UNC5D: variants seen among roughly 807,000 people sequenced by gnomAD.
UNC5D encodes unc-5 netrin receptor D.
UNC5D carries 39 observed loss-of-function variants against 105.4 expected under a neutral mutation model. The ratio of observed to expected loss-of-function variants is 0.37; its 90% CI spans 0.29 to 0.48. UNC5D has a LOEUF of 0.48. UNC5D is among the 20% of genes least tolerant of loss of function. The probability of loss-of-function intolerance (pLI) is 0.98; values close to 1 mark genes in which losing one functional copy is unlikely to be tolerated. For missense variants in UNC5D, 991 were observed against 1,202.4 expected, an observed-to-expected ratio of 0.82 and a Z score of 2.60; for synonymous variants, 452 against 450.4, an observed-to-expected ratio of 1.00 and a Z score of -0.04.
intron 1 of UNC5D, among the ~76,000 whole-genome samples, chr8:35,244,363 C>CT (rs1272286804): frequency 3.9e-5 from 6 of 152,126 alleles, no homozygotes; most frequent in African/African-American, 1.4e-4. Flanking sequence ...GCACTTCACT[C>CT]ATAGTCCATT....
intron 1 of UNC5D, among the ~76,000 whole-genome samples, chr8:35,493,006 T>A (rs745452917): frequency 1.4e-4 from 22 of 152,114 alleles, no homozygotes; most frequent in Non-Finnish European, 3.1e-4. Context: ...GTGGGGATCG[T>A]AAGACAATTG....
intron 3 of UNC5D, among the ~76,000 whole-genome samples, chr8:35,582,234 G>A (rs1483927622): frequency 6.6e-6 from 1 of 152,108 alleles, no homozygotes; most frequent in African/African-American, 2.4e-5. Flanking sequence ...CAGCCACAGT[G>A]ATTTCTTTCT....
intron 11 of UNC5D, among the ~76,000 whole-genome samples, chr8:35,737,252 C>CTGTGTGTGTGTG (rs369792188): frequency 8.1e-4 from 97 of 119,878 alleles, no homozygotes; most frequent in African/African-American, 2.8e-3. Flanking sequence ...AAGATCTGCT[C>CTGTGTGTGTGTG]TGTGTGTGTG....
chr8:35,607,914 C>T (rs1309491011), intron 4 of UNC5D, among the ~76,000 whole-genome samples: 1 of 152,186 alleles, frequency 6.6e-6, no homozygotes, highest in African/African-American at 2.4e-5. Flanking sequence ...ATACGTCACT[C>T]AGTCTCTTCC....
chr8:35,483,427 G>A lies in UNC5D; in HGVS notation c.104-65865G>A, dbSNP rs534109480. On this transcript the variant is annotated intron_variant, in intron 1 of 16. Coordinates refer to ENST00000404895, the MANE Select transcript of UNC5D (RefSeq NM_080872.4). ...CTTTGCAGTCACCAGCAGGAGGTGTGTGTGAGAGAGATCAGTCATGTTCTG... is the reference window on the plus strand; with the variant it reads ...CTTTGCAGTCACCAGCAGGAGGTGTATGTGAGAGAGATCAGTCATGTTCTG... 3.1e-3 allele frequency among the ~76,000 whole-genome samples: 471 copies of A among 152,278 alleles called. 3 individuals are homozygous for A. The highest frequency in any genetic ancestry group is 3.9e-3 in the Non-Finnish European group (266 of 68,022).
chr8:35,508,950 T>C (rs1231609818), intron 1 of UNC5D, among the ~76,000 whole-genome samples: 1 of 152,226 alleles, frequency 6.6e-6, no homozygotes, highest in East Asian at 1.9e-4. Context: ...ACTTAAATAG[T>C]TTGAATTTAT....
chr8:35,341,544 C>T (rs1811458375), intron 1 of UNC5D, among the ~76,000 whole-genome samples: 1 of 151,510 alleles, frequency 6.6e-6, no homozygotes, highest in Non-Finnish European at 1.5e-5. Flanking sequence ...AGAATCTTCT[C>T]CCTGTTCTCT....
chr8:35,765,353 A>G (rs1801718917), intron 14 of UNC5D, among the ~76,000 whole-genome samples: 1 of 152,180 alleles, frequency 6.6e-6, no homozygotes, highest in Admixed American at 6.5e-5. Context: ...CTTCTTGCAC[A>G]GGAATGAAGT....
rs142727845 is a variant in UNC5D at position 35,296,725 on chromosome 8, T to C, written c.103+60838T>C. Among the ~76,000 whole-genome samples the C allele has an allele frequency of 7.2e-5, 11 of 152,250 alleles. No individual in the cohort carries two copies. The East Asian group carries it at 1.7e-3, about 24-fold the overall frequency. On this transcript the variant is annotated intron_variant, in intron 1 of 16. Transcript: ENST00000404895. ...CATGAGCCACCATGCCTGGCCGTGG[T>C]AAGTACCTTTTCATGTATCTTTTGG...
At chr8:35,306,313 TTGTTTAAC>T (rs1289757956) in intron 1 of UNC5D, among the ~76,000 whole-genome samples, 1 of 152,102 alleles carries the variant, frequency 6.6e-6, no homozygotes, top group Admixed American at 6.6e-5. Flanking sequence ...TGAGGTTTTT[TTGTTTAAC>T]AGTTTCTCAA....
intron 1 of UNC5D, among the ~76,000 whole-genome samples, chr8:35,301,210 G>T (rs925045809): frequency 2.0e-5 from 3 of 152,146 alleles, no homozygotes; most frequent in African/African-American, 7.2e-5. Flanking sequence ...GGTCCAAAAA[G>T]GATAAGGACA....
At chr8:35,679,160 G>T (rs1238696268) in intron 4 of UNC5D, among the ~76,000 whole-genome samples, 1 of 152,114 alleles carries the variant, frequency 6.6e-6, no homozygotes, top group African/African-American at 2.4e-5. Context: ...TGAGGTGGGA[G>T]GATTGCTTCA....
chr8:35,728,095 A>AATATAT (rs1554596595), intron 10 of UNC5D, among the ~76,000 whole-genome samples: 49 of 110,350 alleles, frequency 4.4e-4, no homozygotes, highest in South Asian at 3.2e-3. Context: ...AAAAAAAAAA[A>AATATAT]ATATATATAT....
chr8:35,369,042 C>G (rs1802286303), intron 1 of UNC5D, among the ~76,000 whole-genome samples: 1 of 152,144 alleles, frequency 6.6e-6, no homozygotes, highest in African/African-American at 2.4e-5. Context: ...TTAAACATGG[C>G]AGTCTGACAA....
At chr8:35,601,694 T>G (rs1347392526) in intron 4 of UNC5D, among the ~76,000 whole-genome samples, 2 of 152,206 alleles carry the variant, frequency 1.3e-5, no homozygotes, top group Non-Finnish European at 2.9e-5. Flanking sequence ...TTAAGGAGAT[T>G]TTGGGCTGAG....
Position 35,531,983 on chromosome 8 carries a change from G to T in UNC5D, c.104-17309G>T, listed in dbSNP as rs1454860840. Among the ~76,000 whole-genome samples, 3 of 137,790 alleles carry T rather than the reference G, an allele frequency of 2.2e-5. No individual in the cohort carries two copies. In the Admixed American group the frequency reaches 2.2e-4, roughly 10 times the overall value. The allele number at this position is 137,790 out of a possible 152,430, so 90.4% of individuals were successfully genotyped here. A position where few individuals can be genotyped will look rare whatever the true frequency, so the allele number is the denominator to read the frequency against. On this transcript the variant is annotated intron_variant, in intron 1 of 16. Transcript: ENST00000404895. ...TTTCCTGAATACAGCACACTGATGG[G>T]TCTTGACTCTTTATCCAATTTGCCA...
intron 16 of UNC5D, among the ~76,000 whole-genome samples, chr8:35,785,463 G>A (rs1051449734): frequency 1.3e-5 from 2 of 152,070 alleles, no homozygotes; most frequent in African/African-American, 2.4e-5. Context: ...GTGTTCAAGC[G>A]ATTCTTGTGC....
At chr8:35,450,561 A>G (rs1030972713) in intron 1 of UNC5D, among the ~76,000 whole-genome samples, 2 of 152,170 alleles carry the variant, frequency 1.3e-5, no homozygotes, top group Non-Finnish European at 2.9e-5. Flanking sequence ...CGTTGCCTGT[A>G]TTCTTCAGAG....
chr8:35,237,145 A>G (rs1178532143), intron 1 of UNC5D, among the ~76,000 whole-genome samples: 5 of 111,270 alleles, frequency 4.5e-5, no homozygotes, highest in Non-Finnish European at 9.4e-5. Flanking sequence ...GTATGATCCT[A>G]TTCTTTGCCC....
Sources: allele counts gnomAD v4.1 joint callset (sites outside exome capture counted in the v4.1 genomes callset), GRCh38; gene constraint gnomAD v4.1.1; transcripts MANE v1.5; gene names NCBI Gene and HGNC (gene_info 2026-07-23, HGNC 2026-07-21).